The following ZNF385B variants were observed in gnomAD, a reference collection of about 807,000 sequenced individuals.
ZNF385B encodes zinc finger protein 533.
In ZNF385B, 23 loss-of-function variants were observed where a neutral mutation model predicts 39.2. That is an observed-to-expected ratio of 0.59 (90% CI 0.42 to 0.83). The LOEUF (loss-of-function observed/expected upper bound fraction) is 0.83, where lower values mean the gene tolerates loss of function less well. ZNF385B is among the 40% of genes least tolerant of loss of function. ZNF385B has a pLI of 0.00. For synonymous variants in ZNF385B, 205 were observed against 222.6 expected, an observed-to-expected ratio of 0.92 and a Z score of 0.70; for missense variants, 552 against 598.9, an observed-to-expected ratio of 0.92 and a Z score of 0.82.
At chr2:179,547,501 C>A (rs758452169) in intron 3 of ZNF385B, among the ~76,000 whole-genome samples, 1 of 149,188 alleles carries the variant, frequency 6.7e-6, no homozygotes, top group African/African-American at 2.5e-5. Flanking sequence ...ATTTTTGACA[C>A]CTTTGTCAAA....
intron 3 of ZNF385B, among the ~76,000 whole-genome samples, chr2:179,740,053 C>A (rs1255543867): frequency 6.6e-6 from 1 of 152,140 alleles, no homozygotes; most frequent in Non-Finnish European, 1.5e-5. Context: ...CTTACAGATT[C>A]ATTTCTGAAT....
intron 1 of ZNF385B, among the ~76,000 whole-genome samples, chr2:179,808,585 A>G (rs569417836): frequency 2.0e-5 from 3 of 152,382 alleles, no homozygotes; most frequent in African/African-American, 4.8e-5. Flanking sequence ...CTATATTTCA[A>G]GTATTTCATA....
intron 1 of ZNF385B, among the ~76,000 whole-genome samples, chr2:179,851,165 T>C (rs1012655169): frequency 2.0e-5 from 3 of 152,288 alleles, no homozygotes; most frequent in African/African-American, 7.2e-5. Flanking sequence ...AAGAAAGAAG[T>C]TGAGGCCAGA....
rs1232894527 is a variant in ZNF385B at position 179,861,494 on chromosome 2, G to A, written c.-548C>T. ...CCCTGGCCTGGCCGAGGACCCCGGG[G>A]TTTGGACGTGCCAACGCCACTCTCG... On this transcript the variant is annotated 5_prime_UTR_variant, in exon 1 of 10. Coordinates refer to ENST00000410066, the MANE Select transcript of ZNF385B (RefSeq NM_152520.6). 1 of 152,296 alleles carries A rather than the reference G, an allele frequency of 6.6e-6. No homozygotes were observed. The highest frequency in any genetic ancestry group is 1.5e-5 in the Non-Finnish European group (1 of 68,180). 9.4% of individuals were successfully genotyped at this position (152,296 alleles called of 1,614,324 possible). A position where few individuals can be genotyped will look rare whatever the true frequency, so the allele number is the denominator to read the frequency against.
At chr2:179,814,480 A>T in intron 1 of ZNF385B, 1 of 558,736 alleles carries the variant, frequency 1.8e-6, no homozygotes, top group South Asian at 1.6e-5. Flanking sequence ...GAGTTATATG[A>T]TCCATGCACT....
At chr2:179,622,666 T>C (rs1262736687) in intron 3 of ZNF385B, among the ~76,000 whole-genome samples, 1 of 152,208 alleles carries the variant, frequency 6.6e-6, no homozygotes, top group Non-Finnish European at 1.5e-5. Context: ...AGAATAAAAA[T>C]TTTTAATCAC....
chr2:179,808,622 T>C (rs1375156781), intron 1 of ZNF385B, among the ~76,000 whole-genome samples: 1 of 152,208 alleles, frequency 6.6e-6, no homozygotes, highest in Non-Finnish European at 1.5e-5. Context: ...AAATGAAGTG[T>C]GGTAAAACAG....
chr2:179,731,958 C>T (rs1472158703), intron 3 of ZNF385B, among the ~76,000 whole-genome samples: 11 of 152,172 alleles, frequency 7.2e-5, no homozygotes, highest in South Asian at 6.2e-4. Context: ...AGGCATGACA[C>T]GAACAGACCA....
chr2:179,483,819 C>T (rs74663406), intron 5 of ZNF385B, among the ~76,000 whole-genome samples: 2,723 of 152,266 alleles, frequency 0.018, 78 homozygotes, highest in African/African-American at 0.061. Context: ...TATGACCTTC[C>T]ACAGTCATTT....
intron 3 of ZNF385B, among the ~76,000 whole-genome samples, chr2:179,701,256 A>C (rs944574767): frequency 1.3e-5 from 2 of 152,176 alleles, no homozygotes; most frequent in Non-Finnish European, 2.9e-5. Context: ...AAAACAATCC[A>C]CTAAAAATAG....
intron 6 of ZNF385B, among the ~76,000 whole-genome samples, chr2:179,479,077 C>T (rs2053717846): frequency 6.6e-6 from 1 of 152,124 alleles, no homozygotes. Flanking sequence ...TCTGATGCAT[C>T]ATTAAAAGTT....
At chr2:179,650,038 A>G (rs1294914876) in intron 3 of ZNF385B, among the ~76,000 whole-genome samples, 1 of 152,222 alleles carries the variant, frequency 6.6e-6, no homozygotes, top group African/African-American at 2.4e-5. Flanking sequence ...CTCAGCACAG[A>G]GCCTGGCACA....
chr2:179,515,563 CAA>C (rs2058032130), intron 5 of ZNF385B, among the ~76,000 whole-genome samples: 1 of 152,128 alleles, frequency 6.6e-6, no homozygotes, highest in Non-Finnish European at 1.5e-5. Context: ...AAAATTTGAA[CAA>C]TAACTGAGCA....
chr2:179,506,983 A>G (rs2057299740), intron 5 of ZNF385B, among the ~76,000 whole-genome samples: 1 of 152,188 alleles, frequency 6.6e-6, no homozygotes, highest in Admixed American at 6.5e-5. Context: ...AGGGTCATAT[A>G]TTCTCCGGGG....
chr2:179,529,396 T>C (rs1274187623), intron 4 of ZNF385B, among the ~76,000 whole-genome samples: 1 of 152,236 alleles, frequency 6.6e-6, no homozygotes, highest in Non-Finnish European at 1.5e-5. Flanking sequence ...ATCAGGATGC[T>C]AAGAAAGTTC....
intron 4 of ZNF385B, among the ~76,000 whole-genome samples, chr2:179,532,973 A>C (rs1049631225): frequency 6.6e-6 from 1 of 152,180 alleles, no homozygotes. Flanking sequence ...ATTACCCTAG[A>C]GGCTGAAGCA....
intron 1 of ZNF385B, among the ~76,000 whole-genome samples, chr2:179,852,367 A>G (rs1336664738): frequency 2.0e-5 from 3 of 152,208 alleles, no homozygotes; most frequent in Non-Finnish European, 2.9e-5. Context: ...ACTGCCATCA[A>G]TGTGGTTACA....
At chr2:179,524,352 A>G (rs2058721325) in intron 4 of ZNF385B, among the ~76,000 whole-genome samples, 1 of 151,810 alleles carries the variant, frequency 6.6e-6, no homozygotes, top group South Asian at 2.1e-4. Context: ...GGAGATAGCG[A>G]CAATCCTGGC....
chr2:179,593,503 C>T (rs1424113214), intron 3 of ZNF385B, among the ~76,000 whole-genome samples: 1 of 152,162 alleles, frequency 6.6e-6, no homozygotes, highest in Non-Finnish European at 1.5e-5. Context: ...ATTTATTATA[C>T]ATGTACAAGA....
Sources: gnomAD v4.1 joint callset for allele counts (sites outside exome capture counted in the v4.1 genomes callset) on GRCh38, gnomAD v4.1.1 for gene constraint, MANE v1.5 for transcripts, NCBI Gene and HGNC (gene_info 2026-07-23, HGNC 2026-07-21) for gene names.